LRRK2: variants seen among roughly 807,000 people sequenced by gnomAD.
LRRK2 encodes the protein leucine-rich repeat serine/threonine-protein kinase 2.
Under a neutral mutation model 302.6 loss-of-function variants are expected in LRRK2, and 203 were observed. That is an observed-to-expected ratio of 0.67 (90% confidence interval 0.60 to 0.75). The LOEUF (loss-of-function observed/expected upper bound fraction) is 0.75, where lower values mean the gene tolerates loss of function less well. LRRK2 is among the 30% of genes least tolerant of loss of function. The probability of loss-of-function intolerance (pLI) is 0.00; values close to 1 mark genes in which losing one functional copy is unlikely to be tolerated. For synonymous variants in LRRK2, 1,066 were observed against 1,031.9 expected (o/e 1.03, Z -0.63); for missense variants, 2,830 against 2,951.0 (o/e 0.96, Z 0.95).
intron 41 of LRRK2, among the ~76,000 whole-genome samples, chr12:40,343,599 ATTTAC>A (rs1946112542): frequency 6.6e-6 from 1 of 152,108 alleles, no homozygotes; most frequent in African/African-American, 2.4e-5. Context: ...TCTTTTCTTT[ATTTAC>A]TTATTGCGTT....
intron 8 of LRRK2, among the ~76,000 whole-genome samples, chr12:40,250,990 C>G (rs1184185687): frequency 6.7e-6 from 1 of 148,784 alleles, no homozygotes; most frequent in African/African-American, 2.4e-5. Context: ...TAATCCTCCT[C>G]TCGTCTATTA....
chr12:40,335,260 A>G, intron 40 of LRRK2, 103 bp downstream of exon 40: 3 of 1,237,284 alleles, frequency 2.4e-6, no homozygotes, highest in Non-Finnish European at 3.5e-6. Context: ...CCCCAGTAAC[A>G]ATTTATAAAC....
chr12:40,300,075 T>C (rs1944567579), intron 25 of LRRK2, among the ~76,000 whole-genome samples: 1 of 152,206 alleles, frequency 6.6e-6, no homozygotes, highest in East Asian at 1.9e-4. Flanking sequence ...TACTGAGATA[T>C]TGTTTTTCAT....
chr12:40,351,813 A>T, intron 44 of LRRK2, 80 bp downstream of exon 44: 1 of 1,333,048 alleles, frequency 7.5e-7, no homozygotes, highest in Non-Finnish European at 1.1e-6. Flanking sequence ...AAATTAAATA[A>T]GAGCCAATGT....
At chr12:40,275,828 C>T (rs1225713471) in intron 16 of LRRK2, among the ~76,000 whole-genome samples, 1 of 152,050 alleles carries the variant, frequency 6.6e-6, no homozygotes, top group Non-Finnish European at 1.5e-5. Flanking sequence ...CCAGGCTGGT[C>T]TCAAACTCCC....
rs72546332 is a variant in LRRK2, at chr12:40,348,539, A to G, written c.6381+30A>G. Reference sequence around the variant, plus strand: ...TCTTAAAGTTTTGTTAATATTTTGTACAGAACATCATTTGCATATATGCAT... The same window carrying G: ...TCTTAAAGTTTTGTTAATATTTTGTGCAGAACATCATTTGCATATATGCAT... On this transcript the variant is annotated intron_variant, in intron 43 of 50. Transcript: ENST00000298910. The G allele has an allele frequency of 5.0e-5, 71 of 1,429,770 alleles. No individual in the cohort carries two copies. In the Middle Eastern group the frequency reaches 1.6e-3, roughly 32 times the overall value. 88.6% of individuals were successfully genotyped at this position (1,429,770 alleles called of 1,614,324 possible).
At chr12:40,263,626 C>G (rs1942875750) in intron 13 of LRRK2, among the ~76,000 whole-genome samples, 163 bp from the exon 14 acceptor site, 1 of 151,964 alleles carries the variant, frequency 6.6e-6, no homozygotes, top group Non-Finnish European at 1.5e-5. Context: ...TTATAGATTC[C>G]TTAAAATTTC....
rs543904377 is a variant in LRRK2, at chr12:40,345,318, A to T, written c.6110-1435A>T. On this transcript the variant is annotated intron_variant, in intron 41 of 50. Coordinates refer to ENST00000298910, the MANE Select transcript of LRRK2 (RefSeq NM_198578.4). ...TTATTTTGAAAATGTTTAAGCCTAA[A>T]GAACAGTTGAAAGAGTAGTACAGGC... 2.6e-5 allele frequency among the ~76,000 whole-genome samples: 4 copies of T among 152,248 alleles called. No individual in the cohort carries two copies. The South Asian group carries it at 8.3e-4, about 32-fold the overall frequency.
At chr12:40,277,846 C>T in intron 16 of LRRK2, 42 bp from the exon 17 acceptor site, 1 of 1,512,260 alleles carries the variant, frequency 6.6e-7, no homozygotes. Context: ...TTCATTTTGC[C>T]TGTAATTGCT....
chr12:40,322,849 A>G (rs999558296), intron 37 of LRRK2, among the ~76,000 whole-genome samples: 2 of 152,092 alleles, frequency 1.3e-5, no homozygotes, highest in South Asian at 2.1e-4. Context: ...CTGCCATATA[A>G]TAACAGCTGC....
intron 13 of LRRK2, among the ~76,000 whole-genome samples, chr12:40,261,312 C>T (rs1942763200): frequency 6.6e-6 from 1 of 152,036 alleles, no homozygotes; most frequent in Non-Finnish European, 1.5e-5. Context: ...AAAACCGTTT[C>T]TGTTAGTTAA....
chr12:40,236,523 G>A (rs146013907), intron 4 of LRRK2, among the ~76,000 whole-genome samples: 89 of 152,292 alleles, frequency 5.8e-4, no homozygotes, highest in African/African-American at 1.9e-3. Context: ...ATAAGGTTCC[G>A]AGAAGAAAGG....
chr12:40,331,699 A>G (rs904998186), intron 39 of LRRK2, among the ~76,000 whole-genome samples: 10 of 152,176 alleles, frequency 6.6e-5, no homozygotes, highest in African/African-American at 2.4e-4. Context: ...CACAAGTTGG[A>G]CAAGCTTGTT....
At chr12:40,263,504 AAGTG>A (rs144659363) in intron 13 of LRRK2, among the ~76,000 whole-genome samples, 1,911 of 152,326 alleles carry the variant, frequency 0.013, 51 homozygotes, top group African/African-American at 0.041. Flanking sequence ...TCACACAAAA[AAGTG>A]ATTGTTTGCT....
rs1010617973 is a variant in LRRK2 at position 40,310,542 on chromosome 12, C to A, written c.4429C>A (p.Arg1477=). 6.2e-7 allele frequency: 1 copy of A among 1,612,108 alleles called. No homozygotes were observed. Among genetic ancestry groups the A allele is most frequent in the South Asian group, 1.1e-5 (1 of 90,924 alleles). ...SKITKELLNK[R]GFPAIRDYHF... ...AATCACCAAGGAACTCCTGAATAAG[C>A]GAGGGTTCCCTGCCATACGAGATTA... The change falls in exon 31 of 51, where the codon CGA becomes AGA. Residue 1477 remains arginine (R), a synonymous_variant. Transcript: ENST00000298910.
intron 43 of LRRK2, among the ~76,000 whole-genome samples, chr12:40,351,239 C>G (rs1946342826): frequency 6.6e-6 from 1 of 152,158 alleles, no homozygotes; most frequent in African/African-American, 2.4e-5. Flanking sequence ...GAATTGCATG[C>G]AGAGTACCTC....
intron 23 of LRRK2, among the ~76,000 whole-genome samples, chr12:40,297,370 CTTTG>C (rs746378963): frequency 2.6e-5 from 4 of 152,236 alleles, no homozygotes; most frequent in Admixed American, 2.0e-4. Flanking sequence ...TTAGATGGCA[CTTTG>C]TTTGTTTGTT....
intron 16 of LRRK2, 60 bp from the exon 17 acceptor site, chr12:40,277,828 A>T (rs1943524099): frequency 5.6e-6 from 8 of 1,420,752 alleles, no homozygotes; most frequent in African/African-American, 1.4e-5. Context: ...TCTGCTTTAT[A>T]CTGTTTATTC....
rs1235657147 is a variant in LRRK2 at position 40,334,998 on chromosome 12, C to G, written c.5789C>G (p.Pro1930Arg). The G allele has an allele frequency of 3.1e-6, 5 of 1,613,952 alleles. No homozygotes were observed. Among genetic ancestry groups the G allele is most frequent in the Non-Finnish European group, 4.2e-6 (5 of 1,179,994 alleles). The change falls in exon 40 of 51, where the codon CCC becomes CGC. Residue 1930 changes from proline to arginine, a missense_variant. By Grantham distance (103) the Pro-to-Arg change is moderately radical (BLOSUM62 -2). This residue lies in a region of LRRK2 where 253 missense variants were observed against 346.7 expected (regional missense o/e 0.73). Coordinates refer to ENST00000298910, the MANE Select transcript of LRRK2 (RefSeq NM_198578.4). The stretch of plus-strand genomic sequence containing the variant: ...GTGGTGCTTTGCCACCTCCACCACC[C>G]CAGTTTGATATCTTTGCTGGCAGCT... ...ELVVLCHLHH[P>R]SLISLLAAGI...
Sources: gnomAD v4.1 joint callset for allele counts (sites outside exome capture counted in the v4.1 genomes callset) on GRCh38, gnomAD v4.1.1 for gene constraint, gnomAD v4.1.1 regional missense constraint, MANE v1.5 for transcripts, NCBI Gene and HGNC (gene_info 2026-07-23, HGNC 2026-07-21) for gene names.